Variants in DCC observed in about 807,000 individuals in gnomAD.
DCC encodes netrin receptor DCC.
DCC carries 58 observed loss-of-function variants against 172.5 expected under a neutral mutation model. The ratio of observed to expected loss-of-function variants is 0.34; its 90% CI spans 0.27 to 0.42. The LOEUF (loss-of-function observed/expected upper bound fraction) is 0.42. Among genes scored for constraint, DCC ranks in the 10% least tolerant of loss-of-function variants. The pLI, the probability that DCC is intolerant of heterozygous loss-of-function variation, is 1.00. For synonymous variants in DCC, 709 were observed against 644.5 expected, an observed-to-expected ratio of 1.10 and a Z score of -1.52; for missense variants, 1,740 against 1,791.0, an observed-to-expected ratio of 0.97 and a Z score of 0.51.
intron 27 of DCC, among the ~76,000 whole-genome samples, chr18:53,505,862 C>T (rs1249065537): frequency 6.6e-6 from 1 of 152,138 alleles, no homozygotes; most frequent in African/African-American, 2.4e-5. Context: ...ATTCCTTTTA[C>T]ATTTCTTATA....
chr18:53,079,663 T>C (rs79576109), intron 7 of DCC, among the ~76,000 whole-genome samples: 2,899 of 152,194 alleles, frequency 0.019, 37 homozygotes, highest in Non-Finnish European at 0.029. Flanking sequence ...AAAAAGGAGA[T>C]AGCACAAAGG....
chr18:52,771,053 C>A lies in DCC; in HGVS notation c.412+18679C>A, dbSNP rs980745886. ...ATTTTTTCCATTTTAAAGAAATAAT[C>A]CGCTTTTCTTTTCAGAAAGCAGTTT... On this transcript the variant is annotated intron_variant, in intron 2 of 28. Coordinates refer to ENST00000442544, the MANE Select transcript of DCC (RefSeq NM_005215.4). Among the ~76,000 whole-genome samples the A allele has an allele frequency of 2.0e-5, 3 of 152,272 alleles. No individual in the cohort carries two copies. The South Asian group carries it at 6.2e-4, about 32-fold the overall frequency.
intron 5 of DCC, among the ~76,000 whole-genome samples, chr18:53,041,200 A>G (rs1410302302): frequency 3.3e-5 from 5 of 152,080 alleles, no homozygotes; most frequent in African/African-American, 1.2e-4. Context: ...ATAAGATGTA[A>G]GGAAGGGGTC....
intron 5 of DCC, among the ~76,000 whole-genome samples, chr18:53,020,350 G>C (rs1465445958): frequency 6.6e-6 from 1 of 151,924 alleles, no homozygotes; most frequent in Admixed American, 6.6e-5. Context: ...GCAGAGCCAA[G>C]GAGAGATCAA....
At chr18:52,666,407 T>C (rs2035459997) in intron 1 of DCC, among the ~76,000 whole-genome samples, 1 of 152,156 alleles carries the variant, frequency 6.6e-6, no homozygotes, top group South Asian at 2.1e-4. Flanking sequence ...CACTAGAAAA[T>C]GTAATGATTG....
At chr18:52,689,109 A>C (rs898796208) in intron 1 of DCC, among the ~76,000 whole-genome samples, 1 of 152,172 alleles carries the variant, frequency 6.6e-6, no homozygotes, top group Non-Finnish European at 1.5e-5. Flanking sequence ...TTTTATCTTT[A>C]TTAGCCATCA....
intron 7 of DCC, among the ~76,000 whole-genome samples, chr18:53,117,738 C>A (rs1413077722): frequency 2.6e-5 from 4 of 151,654 alleles, no homozygotes; most frequent in Admixed American, 1.3e-4. Flanking sequence ...GCCACGTGAT[C>A]TCTGTTGCAC....
At chr18:52,838,718 A>G (rs1422296048) in intron 2 of DCC, among the ~76,000 whole-genome samples, 3 of 152,218 alleles carry the variant, frequency 2.0e-5, no homozygotes. Context: ...TTGCAACAGC[A>G]TGTGATAATG....
intron 8 of DCC, among the ~76,000 whole-genome samples, chr18:53,159,095 C>T (rs1003774927): frequency 7.3e-5 from 11 of 151,578 alleles, no homozygotes; most frequent in African/African-American, 2.2e-4. Flanking sequence ...AGTGTTATCT[C>T]TGTAACTATT....
chr18:52,889,808 A>C (rs1280850313), intron 2 of DCC, among the ~76,000 whole-genome samples: 1 of 152,176 alleles, frequency 6.6e-6, no homozygotes, highest in Non-Finnish European at 1.5e-5. Flanking sequence ...ACCAGTCATC[A>C]GAACTTTAAG....
Position 52,521,709 on chromosome 18 carries a change from G to A in DCC, c.91+180831G>A, listed in dbSNP as rs139820122. Among the ~76,000 whole-genome samples the A allele has an allele frequency of 1.6e-3, 251 of 152,156 alleles. 1 individual carries two copies. Among genetic ancestry groups the A allele is most frequent in the East Asian group, 8.7e-3 (45 of 5,166 alleles). The stretch of plus-strand genomic sequence containing the variant: ...GTTACACTAGTTTGAGGAAGTTATC[G>A]TAATTTTAAAACTAAACTGGAAAAG... On this transcript the variant is annotated intron_variant, in intron 1 of 28. Transcript: ENST00000442544.
chr18:52,624,986 C>G (rs990427210), intron 1 of DCC, among the ~76,000 whole-genome samples: 1 of 152,068 alleles, frequency 6.6e-6, no homozygotes, highest in Non-Finnish European at 1.5e-5. Context: ...CTTTCACAAA[C>G]CTGGATGGTA....
chr18:52,546,828 T>C (rs2032630743), intron 1 of DCC, among the ~76,000 whole-genome samples: 1 of 152,002 alleles, frequency 6.6e-6, no homozygotes, highest in Non-Finnish European at 1.5e-5. Flanking sequence ...TGTAAACCTA[T>C]AAAGCAGATG....
intron 2 of DCC, among the ~76,000 whole-genome samples, chr18:52,823,211 A>G (rs1302547452): frequency 2.6e-5 from 4 of 152,066 alleles, no homozygotes; most frequent in African/African-American, 9.7e-5. Flanking sequence ...GCTCACACCT[A>G]TAAACCCAGT....
intron 12 of DCC, among the ~76,000 whole-genome samples, chr18:53,303,905 T>C (rs1374751162): frequency 6.6e-6 from 1 of 152,172 alleles, no homozygotes; most frequent in Admixed American, 6.5e-5. Context: ...GGGGATTTTA[T>C]TGCCAGATGG....
intron 7 of DCC, among the ~76,000 whole-genome samples, chr18:53,070,349 C>T (rs895547902): frequency 6.6e-6 from 1 of 152,104 alleles, no homozygotes; most frequent in Non-Finnish European, 1.5e-5. Context: ...AGGATGGACC[C>T]AAGTTACAAT....
intron 2 of DCC, among the ~76,000 whole-genome samples, chr18:52,883,949 C>A (rs1311747830): frequency 2.6e-5 from 4 of 151,286 alleles, no homozygotes; most frequent in Admixed American, 1.3e-4. Flanking sequence ...CTCCTTCTTG[C>A]TTGAAATATA....
intron 7 of DCC, among the ~76,000 whole-genome samples, chr18:53,073,555 TA>T (rs1283209341): frequency 6.6e-6 from 1 of 151,780 alleles, no homozygotes; most frequent in Non-Finnish European, 1.5e-5. Context: ...TAATGAAGAA[TA>T]AAAAAATAAA....
intron 22 of DCC, among the ~76,000 whole-genome samples, chr18:53,444,446 C>G (rs1408760206): frequency 6.6e-6 from 1 of 152,156 alleles, no homozygotes; most frequent in Non-Finnish European, 1.5e-5. Context: ...TTGCAATGAG[C>G]TGAGATCACA....
Sources: allele counts gnomAD v4.1 joint callset (sites outside exome capture counted in the v4.1 genomes callset), GRCh38; gene constraint gnomAD v4.1.1; transcripts MANE v1.5; gene names NCBI Gene and HGNC (gene_info 2026-07-23, HGNC 2026-07-21).